Variants in MTARC1 observed in about 807,000 individuals in gnomAD.
MTARC1 encodes mitochondrial amidoxime reducing component 1.
A neutral mutation model predicts 33.6 loss-of-function variants in MTARC1; 24 were observed. That is an observed-to-expected ratio of 0.72 (90% CI 0.52 to 1.01). MTARC1 has a LOEUF of 1.01. Among genes scored for constraint, MTARC1 ranks in the 50% least tolerant of loss-of-function variants. The pLI is 0.00. For missense variants in MTARC1, 417 were observed against 445.7 expected (o/e 0.94, Z 0.58); for synonymous variants, 187 against 189.5 (o/e 0.99, Z 0.11).
At chr1:220,794,190 C>T (rs1672528227) in intron 2 of MTARC1, 1 of 152,080 alleles carries the variant, frequency 6.6e-6, no homozygotes, top group Non-Finnish European at 1.5e-5. Flanking sequence ...TAAGGGAAGC[C>T]CTGGGCTGCC....
In MTARC1 at chr1:220,815,388, T is replaced by G. The variant is rs1196261056; in HGVS notation, c.*1970T>G. The stretch of plus-strand genomic sequence containing the variant: ...CCACTTGTAAGAACTAACAGCCACT[T>G]CTCTGTGCCCCGTCCGGGCAGTAAC... On this transcript the variant is annotated 3_prime_UTR_variant, in exon 7 of 7. Coordinates refer to ENST00000366910, the MANE Select transcript of MTARC1 (RefSeq NM_022746.4). 6.6e-6 allele frequency: 1 copy of G among 152,156 alleles called. No individual in the cohort carries two copies. The highest frequency in any genetic ancestry group is 1.5e-5 in the Non-Finnish European group (1 of 68,032). The allele number at this position is 152,156 out of a possible 1,614,324, so 9.4% of individuals were successfully genotyped here. A position where few individuals can be genotyped will look rare whatever the true frequency, so the allele number is the denominator to read the frequency against.
chr1:220,800,717 A>G (rs1436079613), intron 4 of MTARC1, among the ~76,000 whole-genome samples: 1 of 151,856 alleles, frequency 6.6e-6, no homozygotes. Flanking sequence ...CAACGTCAGG[A>G]TGTCTGAAAT....
At chr1:220,788,797 C>CAAAAAAAAA (rs34563265) in intron 1 of MTARC1, among the ~76,000 whole-genome samples, 1 of 140,222 alleles carries the variant, frequency 7.1e-6, no homozygotes, top group Non-Finnish European at 1.5e-5. Flanking sequence ...GACTAAGTCT[C>CAAAAAAAAA]AAAAAAAAAA....
intron 2 of MTARC1, among the ~76,000 whole-genome samples, chr1:220,794,884 G>A (rs1263310941): frequency 6.6e-6 from 1 of 152,118 alleles, no homozygotes; most frequent in Non-Finnish European, 1.5e-5. Context: ...GTACTTTTCT[G>A]CATGAGTGTT....
chr1:220,816,394 A>T lies in MTARC1; in HGVS notation c.*2976A>T, dbSNP rs375444422. 10 of 152,286 alleles carry T rather than the reference A, an allele frequency of 6.6e-5. No homozygotes were observed. The East Asian group carries it at 1.7e-3, about 26-fold the overall frequency. 9.4% of individuals were successfully genotyped at this position (152,286 alleles called of 1,614,324 possible). On this transcript the variant is annotated 3_prime_UTR_variant, in exon 7 of 7. Coordinates refer to ENST00000366910, the MANE Select transcript of MTARC1 (RefSeq NM_022746.4). ...AGACCTTGATTGTGGGTATAATCGG[A>T]GTGTTGCTACCACACCCTAACACTG...
In MTARC1 at chr1:220,792,638, T is replaced by C. The variant is rs1479058437; in HGVS notation, c.449+974T>C. Among the ~76,000 whole-genome samples the C allele has an allele frequency of 3.4e-5, 5 of 148,210 alleles. No individual in the cohort carries two copies. The East Asian group carries it at 8.1e-4, about 24-fold the overall frequency. ...GTGGTACATATTCATTGTTGAAAAT[T>C]TGGGAAATACCAAGAAAAAAAAAAA... On this transcript the variant is annotated intron_variant, in intron 2 of 6. Coordinates refer to ENST00000366910, the MANE Select transcript of MTARC1 (RefSeq NM_022746.4).
At position 220,816,635 on chromosome 1, in the gene MTARC1, C is replaced by G. The variant is rs1430556874; in HGVS notation, c.*3217C>G. The G allele has an allele frequency of 6.6e-6, 1 of 152,262 alleles. No homozygotes were observed. The highest frequency in any genetic ancestry group is 6.5e-5 in the Admixed American group (1 of 15,286). The allele number at this position is 152,262 out of a possible 1,614,324, so 9.4% of individuals were successfully genotyped here. On this transcript the variant is annotated 3_prime_UTR_variant, in exon 7 of 7. Coordinates refer to ENST00000366910, the MANE Select transcript of MTARC1 (RefSeq NM_022746.4). ...TGACTGTCTTTTGAGAAATGATCCTCTGATCTCTAGGCAGAATGCCAGTGA... is the reference window on the plus strand; with the variant it reads ...TGACTGTCTTTTGAGAAATGATCCTGTGATCTCTAGGCAGAATGCCAGTGA...
At position 220,816,683 on chromosome 1, in the gene MTARC1, G is replaced by A. The variant is rs1037751138; in HGVS notation, c.*3265G>A. Reference sequence around the variant, plus strand: ...TGAGCCAAGGAATCCCAGTTAGCAGGAGGGGTGCACTCATGGGAAGACTGA... The same window carrying A: ...TGAGCCAAGGAATCCCAGTTAGCAGAAGGGGTGCACTCATGGGAAGACTGA... On this transcript the variant is annotated 3_prime_UTR_variant, in exon 7 of 7. Coordinates refer to ENST00000366910, the MANE Select transcript of MTARC1 (RefSeq NM_022746.4). The A allele has an allele frequency of 6.6e-6, 1 of 152,304 alleles. No homozygotes were observed. Among genetic ancestry groups the A allele is most frequent in the Admixed American group, 6.5e-5 (1 of 15,290 alleles). 9.4% of individuals were successfully genotyped at this position (152,304 alleles called of 1,614,324 possible). A position where few individuals can be genotyped will look rare whatever the true frequency, so the allele number is the denominator to read the frequency against.
chr1:220,800,675 G>A lies in MTARC1; in HGVS notation c.753+2661G>A, dbSNP rs149360503. Among the ~76,000 whole-genome samples the A allele has an allele frequency of 4.6e-5, 7 of 151,628 alleles. No homozygotes were observed. In the East Asian group the frequency reaches 1.4e-3, roughly 29 times the overall value. Reference sequence around the variant, plus strand: ...TATCCTTCTGCCAGAGCTTTCCCCTGCTTCTCCATATCTCCATGTGGATGT... The same window carrying A: ...TATCCTTCTGCCAGAGCTTTCCCCTACTTCTCCATATCTCCATGTGGATGT... On this transcript the variant is annotated intron_variant, in intron 4 of 6. Transcript: ENST00000366910.
chr1:220,800,262 A>G (rs1207770553), intron 4 of MTARC1, among the ~76,000 whole-genome samples: 1 of 152,232 alleles, frequency 6.6e-6, no homozygotes, highest in East Asian at 1.9e-4. Context: ...GGGCGGTAAC[A>G]CAATGGTGGC....
Position 220,789,641 on chromosome 1 carries a change from A to G in MTARC1, c.276-1850A>G, listed in dbSNP as rs576006914. Among the ~76,000 whole-genome samples, 5 of 152,346 alleles carry G rather than the reference A, an allele frequency of 3.3e-5. No individual in the cohort carries two copies. In the South Asian group the frequency reaches 1.0e-3, roughly 32 times the overall value. The stretch of plus-strand genomic sequence containing the variant: ...TGTTCATTATGATGTTATTCACAGT[A>G]GCCAAAAGGTGGAAACAACTAAGTG... On this transcript the variant is annotated intron_variant, in intron 1 of 6. Transcript: ENST00000366910.
Position 220,786,915 on chromosome 1 carries a change from T to C in MTARC1, c.-30T>C. The C allele has an allele frequency of 1.6e-6, 2 of 1,228,448 alleles. No homozygotes were observed. The highest frequency in any genetic ancestry group is 2.0e-6 in the Non-Finnish European group (2 of 987,066). 76.1% of individuals were successfully genotyped at this position (1,228,448 alleles called of 1,614,324 possible). A position where few individuals can be genotyped will look rare whatever the true frequency, so the allele number is the denominator to read the frequency against. The stretch of plus-strand genomic sequence containing the variant: ...CCGGGCGACCAGCGCGCTCCGGCCT[T>C]GCCGCCGCCACCTCGCGGAGAAGCC... On this transcript the variant is annotated 5_prime_UTR_variant, in exon 1 of 7. Coordinates refer to ENST00000366910, the MANE Select transcript of MTARC1 (RefSeq NM_022746.4).
rs1039481100 is a variant in MTARC1, at chr1:220,816,425, C to T, written c.*3007C>T. 2 of 152,178 alleles carry T rather than the reference C, an allele frequency of 1.3e-5. No individual in the cohort carries two copies. The highest frequency in any genetic ancestry group is 2.1e-4 in the South Asian group (1 of 4,834). The allele number at this position is 152,178 out of a possible 1,614,324, so 9.4% of individuals were successfully genotyped here. ...GCTACCACACCCTAACACTGCATTTCCCGTGTTTTATTGGTCCATGGAATT... is the reference window on the plus strand; with the variant it reads ...GCTACCACACCCTAACACTGCATTTTCCGTGTTTTATTGGTCCATGGAATT... On this transcript the variant is annotated 3_prime_UTR_variant, in exon 7 of 7. Coordinates refer to ENST00000366910, the MANE Select transcript of MTARC1 (RefSeq NM_022746.4).
chr1:220,787,338 G>A (rs1411126748), intron 1 of MTARC1, 119 bp downstream of exon 1: 1 of 1,338,112 alleles, frequency 7.5e-7, no homozygotes, highest in Non-Finnish European at 9.6e-7. Context: ...CTATTACAAA[G>A]AAACTGGGAG....
intron 4 of MTARC1, among the ~76,000 whole-genome samples, chr1:220,801,793 G>T (rs771812816): frequency 6.6e-6 from 1 of 152,136 alleles, no homozygotes; most frequent in South Asian, 2.1e-4. Flanking sequence ...GGGAGAGCAG[G>T]CTAGCATGGA....
At position 220,813,865 on chromosome 1, in the gene MTARC1, T is replaced by C. The variant is rs971457566; in HGVS notation, c.*447T>C. On this transcript the variant is annotated 3_prime_UTR_variant, in exon 7 of 7. Transcript: ENST00000366910. ...CATGAGGTACGCAATGAAAATTAAA[T>C]TGCACCCCAAATATGGCTGGAATGC... 2.5e-5 allele frequency: 4 copies of C among 158,178 alleles called. No individual in the cohort carries two copies. The highest frequency in any genetic ancestry group is 9.6e-5 in the African/African-American group (4 of 41,522). The allele number at this position is 158,178 out of a possible 1,614,324, so 9.8% of individuals were successfully genotyped here.
intron 4 of MTARC1, chr1:220,798,523 G>A (rs185200669): frequency 2.4e-5 from 24 of 985,432 alleles, no homozygotes; most frequent in Middle Eastern, 5.2e-4. Context: ...AGATGTTTGC[G>A]TGGTGACTTA....
Position 220,817,975 on chromosome 1 carries a change from CTA to C in MTARC1, c.*4559_*4560del, listed in dbSNP as rs1673315598. The stretch of plus-strand genomic sequence containing the variant: ...CCTCAGAAGTCCTATGGCCCTGACT[CTA>C]TCTATGTCTGCACAAAGCACTACTG... On this transcript the variant is annotated 3_prime_UTR_variant, in exon 7 of 7. Transcript: ENST00000366910. 6.6e-6 allele frequency: 1 copy of C among 152,216 alleles called. No homozygotes were observed. Among genetic ancestry groups the C allele is most frequent in the South Asian group, 2.1e-4 (1 of 4,834 alleles). 9.4% of individuals were successfully genotyped at this position (152,216 alleles called of 1,614,324 possible).
Position 220,816,306 on chromosome 1 carries a change from C to T in MTARC1, c.*2888C>T, listed in dbSNP as rs1338429372. The T allele has an allele frequency of 6.6e-6, 1 of 152,238 alleles. No individual in the cohort carries two copies. Among genetic ancestry groups the T allele is most frequent in the Non-Finnish European group, 1.5e-5 (1 of 68,052 alleles). 9.4% of individuals were successfully genotyped at this position (152,238 alleles called of 1,614,324 possible). ...CCAAGAGTGTATCAAATTAAAGCAA[C>T]CCATGATGGTGGAGAACAGATACAT... is the stretch of plus-strand genomic sequence containing the variant. On this transcript the variant is annotated 3_prime_UTR_variant, in exon 7 of 7. Transcript: ENST00000366910.
Sources: gnomAD v4.1 joint callset for allele counts (sites outside exome capture counted in the v4.1 genomes callset) on GRCh38, gnomAD v4.1.1 for gene constraint, MANE v1.5 for transcripts, NCBI Gene and HGNC (gene_info 2026-07-23, HGNC 2026-07-21) for gene names.